Variants in SH3GLB1 observed in about 807,000 individuals in gnomAD.
SH3GLB1 encodes endophilin-B1.
In SH3GLB1, 17 loss-of-function variants were observed where a neutral mutation model predicts 42.0. The observed-to-expected ratio is 0.40, with a 90% CI of 0.28 to 0.61. The LOEUF is 0.61. Ranked by LOEUF, SH3GLB1 falls within the 20% of genes least tolerant of loss-of-function variation. The pLI is 0.36. For missense variants in SH3GLB1, 355 were observed against 426.3 expected (o/e 0.83, Z 1.47); for synonymous variants, 132 against 146.6 (o/e 0.90, Z 0.72).
chr1:86,708,711 C>T (rs1654017986), intron 1 of SH3GLB1, among the ~76,000 whole-genome samples: 4 of 152,162 alleles, frequency 2.6e-5, no homozygotes, highest in Admixed American at 2.0e-4. Flanking sequence ...TTCACCCTTG[C>T]TTAATTGTTA....
Position 86,745,544 on chromosome 1 carries a change from C to T in SH3GLB1, c.*2309C>T, listed in dbSNP as rs147045004. On this transcript the variant is annotated 3_prime_UTR_variant, in exon 9 of 9. Coordinates refer to ENST00000370558, the MANE Select transcript of SH3GLB1 (RefSeq NM_016009.5). ...AGTATAAATCATTTTTCAGAACTTT[C>T]AGCTTTCCATCAAGTGAAAGTTGAT... 7.9e-5 allele frequency: 12 copies of T among 152,306 alleles called. No individual in the cohort carries two copies. The East Asian group carries it at 2.3e-3, about 29-fold the overall frequency. 9.4% of individuals were successfully genotyped at this position (152,306 alleles called of 1,614,324 possible).
At chr1:86,722,886 A>T (rs1386312400) in intron 4 of SH3GLB1, among the ~76,000 whole-genome samples, 1 of 152,214 alleles carries the variant, frequency 6.6e-6, no homozygotes, top group African/African-American at 2.4e-5. Context: ...TGTTATTGAG[A>T]TGCCTTTATC....
In SH3GLB1 at chr1:86,745,631, C is replaced by T. The variant is rs1422624425; in HGVS notation, c.*2396C>T. 3 of 152,160 alleles carry T rather than the reference C, an allele frequency of 2.0e-5. No homozygotes were observed. Among genetic ancestry groups the T allele is most frequent in the Non-Finnish European group, 4.4e-5 (3 of 68,018 alleles). 9.4% of individuals were successfully genotyped at this position (152,160 alleles called of 1,614,324 possible). A position where few individuals can be genotyped will look rare whatever the true frequency, so the allele number is the denominator to read the frequency against. Reference sequence around the variant, plus strand: ...TGTTAAGCTTCAAAGGCTTCTGGTACGTTTGTCTACCACAGAACCACCACA... The same window carrying T: ...TGTTAAGCTTCAAAGGCTTCTGGTATGTTTGTCTACCACAGAACCACCACA... On this transcript the variant is annotated 3_prime_UTR_variant, in exon 9 of 9. Transcript: ENST00000370558.
At chr1:86,712,771 A>G (rs1654287434) in intron 1 of SH3GLB1, among the ~76,000 whole-genome samples, 1 of 152,096 alleles carries the variant, frequency 6.6e-6, no homozygotes, top group Non-Finnish European at 1.5e-5. Flanking sequence ...AGTTAAAAAA[A>G]AAAAACCTAC....
At chr1:86,707,319 G>A (rs1653927356) in intron 1 of SH3GLB1, among the ~76,000 whole-genome samples, 1 of 152,226 alleles carries the variant, frequency 6.6e-6, no homozygotes, top group African/African-American at 2.4e-5. Flanking sequence ...GCAGCAGGAA[G>A]AAGTACAAAG....
intron 1 of SH3GLB1, 79 bp from the exon 2 acceptor site, chr1:86,715,645 A>C: frequency 2.2e-6 from 3 of 1,385,104 alleles, no homozygotes; most frequent in Non-Finnish European, 2.9e-6. Flanking sequence ...TTAGCTTTGA[A>C]TTTGCTTTTT....
intron 1 of SH3GLB1, among the ~76,000 whole-genome samples, chr1:86,708,172 A>C (rs1374720482): frequency 6.6e-6 from 1 of 152,246 alleles, no homozygotes; most frequent in Non-Finnish European, 1.5e-5. Context: ...GCTGTGTGGT[A>C]GTTTTCAACA....
intron 7 of SH3GLB1, among the ~76,000 whole-genome samples, chr1:86,736,107 CCATT>C (rs1308285360): frequency 1.3e-5 from 2 of 151,732 alleles, no homozygotes; most frequent in African/African-American, 4.8e-5. Flanking sequence ...TGATAGTAGT[CCATT>C]CAGGCTGGAG....
At chr1:86,719,336 TTTAG>T (rs1273581014) in intron 2 of SH3GLB1, among the ~76,000 whole-genome samples, 167 bp from the exon 3 acceptor site, 3 of 152,094 alleles carry the variant, frequency 2.0e-5, no homozygotes, top group African/African-American at 4.8e-5. Context: ...AATATAATTT[TTTAG>T]TTATATAATA....
At chr1:86,706,138 A>T (rs1344517975) in intron 1 of SH3GLB1, among the ~76,000 whole-genome samples, 2 of 152,224 alleles carry the variant, frequency 1.3e-5, no homozygotes, top group Non-Finnish European at 2.9e-5. Flanking sequence ...AGATGTTATT[A>T]ACCCCTTTTA....
intron 5 of SH3GLB1, among the ~76,000 whole-genome samples, chr1:86,730,701 C>A (rs1205619085): frequency 6.6e-6 from 1 of 151,816 alleles, no homozygotes. Context: ...GTTTTTTCAC[C>A]ATGTTGGCCA....
intron 1 of SH3GLB1, among the ~76,000 whole-genome samples, chr1:86,710,939 A>G (rs948704344): frequency 1.3e-5 from 2 of 152,222 alleles, no homozygotes; most frequent in African/African-American, 4.8e-5. Context: ...ATCTTTATAA[A>G]TGCCAATATA....
At chr1:86,710,858 A>G (rs1015805307) in intron 1 of SH3GLB1, among the ~76,000 whole-genome samples, 3 of 152,218 alleles carry the variant, frequency 2.0e-5, no homozygotes, top group Admixed American at 1.3e-4. Context: ...CAAGCGATAC[A>G]TATTTAAATA....
rs1199801572 is a variant in SH3GLB1, at chr1:86,720,156, C to A, written c.343+521C>A. ...ATTTAGTTATTCAGAGAATTCACAT[C>A]TTTTTTAGTTCTAAAAAGTTTAATG... On this transcript the variant is annotated intron_variant, in intron 3 of 8. Transcript: ENST00000370558. Among the ~76,000 whole-genome samples, 8 of 152,222 alleles carry A rather than the reference C, an allele frequency of 5.3e-5. No individual in the cohort carries two copies. The East Asian group carries it at 1.2e-3, about 22-fold the overall frequency.
intron 5 of SH3GLB1, among the ~76,000 whole-genome samples, chr1:86,724,967 GTATA>G (rs1170614234): frequency 4.4e-4 from 61 of 138,176 alleles, no homozygotes; most frequent in African/African-American, 1.6e-3. Context: ...ATACATATGT[GTATA>G]TATATAAAAT....
intron 7 of SH3GLB1, among the ~76,000 whole-genome samples, chr1:86,737,170 A>G (rs1479406128): frequency 1.3e-5 from 2 of 152,140 alleles, no homozygotes; most frequent in Non-Finnish European, 2.9e-5. Flanking sequence ...AAGATTAGCA[A>G]TTTTTTTAAT....
In SH3GLB1 at chr1:86,742,367, C is replaced by T. The variant is rs753911559; in HGVS notation, c.921C>T (p.Ser307=). Residue 307 remains serine, a synonymous_variant, in exon 8 of 9, where the codon AGC becomes AGT. Coordinates refer to ENST00000370558, the MANE Select transcript of SH3GLB1 (RefSeq NM_016009.5). Reference sequence around the variant, plus strand: ...GTGACCTTAAGGAGTGTAGTGGCAGCAGAAAGGCCAGGGTTCTCTATGATT... The same window carrying T: ...GTGACCTTAAGGAGTGTAGTGGCAGTAGAAAGGCCAGGGTTCTCTATGATT... ...NLSDLKECSG[S]RKARVLYDYD... is the part of the protein sequence containing the mutation. 2 of 1,614,060 alleles carry T rather than the reference C, an allele frequency of 1.2e-6. No homozygotes were observed. Among genetic ancestry groups the T allele is most frequent in the Non-Finnish European group, 1.7e-6 (2 of 1,180,008 alleles).
intron 5 of SH3GLB1, among the ~76,000 whole-genome samples, chr1:86,726,076 T>TA (rs1022739707): frequency 5.3e-5 from 8 of 152,190 alleles, no homozygotes; most frequent in African/African-American, 1.9e-4. Flanking sequence ...ATTTGAAAAG[T>TA]AAATTATAAA....
At chr1:86,724,944 T>C (rs1655112428) in intron 5 of SH3GLB1, among the ~76,000 whole-genome samples, 1 of 142,116 alleles carries the variant, frequency 7.0e-6, no homozygotes, top group South Asian at 2.1e-4. Flanking sequence ...TGTGTATATA[T>C]ATAAAATATA....
Sources: allele counts gnomAD v4.1 joint callset (sites outside exome capture counted in the v4.1 genomes callset), GRCh38; gene constraint gnomAD v4.1.1; transcripts MANE v1.5; gene names NCBI Gene and HGNC (gene_info 2026-07-23, HGNC 2026-07-21).